Variants in WDR90 observed in about 807,000 individuals in gnomAD.
WDR90 encodes WD repeat-containing protein 90.
In WDR90, 238 loss-of-function variants were observed where a neutral mutation model predicts 195.2. The observed-to-expected ratio is 1.22, with a 90% CI of 1.10 to 1.36. WDR90 has a LOEUF of 1.36. WDR90 is among the 40% of genes most tolerant of loss of function. WDR90 has a pLI of 0.00. For synonymous variants in WDR90, 1,265 were observed against 1,052.4 expected, an observed-to-expected ratio of 1.20 and a Z score of -3.91; for missense variants, 2,734 against 2,439.5, an observed-to-expected ratio of 1.12 and a Z score of -2.54.
At position 660,079 on chromosome 16, in the gene WDR90, C is replaced by A; in HGVS notation, c.3206C>A (p.Ser1069Ter). 1 of 1,546,368 alleles carries A rather than the reference C, an allele frequency of 6.5e-7. No individual in the cohort carries two copies. The highest frequency in any genetic ancestry group is 8.7e-7 in the Non-Finnish European group (1 of 1,146,992). Residue 1069 changes from serine to a stop codon, truncating the protein, a stop_gained, in exon 27 of 41, where the codon TCG becomes TAG. Transcript: ENST00000293879. LOFTEE classifies it high-confidence loss of function. ...CCAGGCGCCAGGGACACCAGGAATT[C>A]GGGGGCCCCACGCACCACCTACCTG... is the stretch of plus-strand genomic sequence containing the variant. ...GGDGARDTRNSGAPRTTYLAS... is the reference protein window; with the variant it reads ...GGDGARDTRN
chr16:658,937 C>G lies in WDR90; in HGVS notation c.2937C>G (p.Phe979Leu), dbSNP rs564767817. 25 of 1,612,830 alleles carry G rather than the reference C, an allele frequency of 1.6e-5. No homozygotes were observed. The highest frequency in any genetic ancestry group is 1.2e-4 in the Admixed American group (7 of 60,014). ...CGGAACCCGTGCAGGCTGTGGCCTT[C>G]TCTCCTGACCAGCAGCAGGTCCTCA... The part of the protein sequence containing the change: ...GHSEPVQAVA[F>L]SPDQQQVLSA... Residue 979 changes from phenylalanine (F) to leucine (L), a missense_variant, in exon 24 of 41, where the codon TTC becomes TTG. Coordinates refer to ENST00000293879, the MANE Select transcript of WDR90 (RefSeq NM_145294.5).
At position 651,937 on chromosome 16, in the gene WDR90, G is replaced by A; in HGVS notation, c.951G>A (p.Trp317Ter). Residue 317 changes from tryptophan (W) to a stop codon, truncating the protein, a stop_gained, in exon 9 of 41, where the codon TGG becomes TGA. Coordinates refer to ENST00000293879, the MANE Select transcript of WDR90 (RefSeq NM_145294.5). LOFTEE classifies it high-confidence loss of function. ...DGPGFHSLEP[W>*]AQLEASDIHT... ...CCGGTTTCCATAGCCTTGAGCCCTG[G>A]GCCCAGCTGGAGGCCTCTGACATCC... 1 of 1,609,170 alleles carries A rather than the reference G, an allele frequency of 6.2e-7. No individual in the cohort carries two copies. Among genetic ancestry groups the A allele is most frequent in the Non-Finnish European group, 8.5e-7 (1 of 1,178,752 alleles).
rs1174700670 is a variant in WDR90 at position 657,793 on chromosome 16, C to A, written c.2505C>A (p.Ser835Arg). The change falls in exon 21 of 41, where the codon AGC (serine) becomes AGA (arginine). Residue 835 changes from serine to arginine, a missense_variant. By Grantham distance (110) the Ser-to-Arg change is moderately radical (BLOSUM62 -1). Coordinates refer to ENST00000293879, the MANE Select transcript of WDR90 (RefSeq NM_145294.5). ...ADMVCPDAPA[S>R]PSALAVSRDG... Reference sequence around the variant, plus strand: ...TGGTATGCCCGGATGCCCCCGCGAGCCCCAGCGCCCTGGCAGTCAGCAGGG... The same window carrying A: ...TGGTATGCCCGGATGCCCCCGCGAGACCCAGCGCCCTGGCAGTCAGCAGGG... The A allele has an allele frequency of 6.4e-7, 1 of 1,553,280 alleles. No individual in the cohort carries two copies. Among genetic ancestry groups the A allele is most frequent in the Admixed American group, 2.0e-5 (1 of 51,098 alleles).
In WDR90 at chr16:658,991, T is replaced by A; in HGVS notation, c.2991T>A (p.Asp997Glu). Reference protein sequence around the residue: ...LSAGDAVFLWDVLAPTESDQS... With the variant: ...LSAGDAVFLWEVLAPTESDQS... ...CAGGGGACGCCGTCTTCCTCTGGGA[T>A]GTCCTGGCCCCTACTGAGAGGCAAG... The change falls in exon 24 of 41, where the codon GAT (aspartate) becomes GAA (glutamate). Residue 997 changes from aspartate to glutamate, a missense_variant. By Grantham distance (45) the Asp-to-Glu change is conservative (BLOSUM62 2). Transcript: ENST00000293879. The A allele has an allele frequency of 1.9e-6, 3 of 1,612,998 alleles. No individual in the cohort carries two copies. Among genetic ancestry groups the A allele is most frequent in the Non-Finnish European group, 2.5e-6 (3 of 1,179,944 alleles).
Position 666,261 on chromosome 16 carries a change from G to A in WDR90, c.4651G>A (p.Val1551Met), listed in dbSNP as rs1401823778. ...TGGAGACAAGGATGGGCTCGTGGCT[G>A]TGAGCCACCCCTGCACAGGGACAAC... is the stretch of plus-strand genomic sequence containing the variant. ...LSGDKDGLVAVSHPCTGTTFR... is the reference protein window; with the variant it reads ...LSGDKDGLVAMSHPCTGTTFR... Residue 1551 changes from valine to methionine, a missense_variant, in exon 37 of 41, where the codon GTG becomes ATG. Transcript: ENST00000293879. The A allele has an allele frequency of 1.9e-6, 3 of 1,612,738 alleles. No individual in the cohort carries two copies. The highest frequency in any genetic ancestry group is 1.3e-5 in the African/African-American group (1 of 75,054).
rs370365356 is a variant in WDR90, at chr16:650,080, T to C, written c.192T>C (p.Ser64=). 6.2e-7 allele frequency: 1 copy of C among 1,613,050 alleles called. No individual in the cohort carries two copies. The highest frequency in any genetic ancestry group is 8.5e-7 in the Non-Finnish European group (1 of 1,179,974). ...YIQLPKSSTQ[S]LGLTGRYLYV... ...AGCTCCCTAAGAGCAGCACCCAGTC[T>C]CTGGGGCTGACGGGACGATACCTGT... The change falls in exon 3 of 41, where the codon TCT becomes TCC. Residue 64 remains serine, a synonymous_variant. Transcript: ENST00000293879.
At chr16:657,271 C>G (rs1458384621) in intron 20 of WDR90, 50 bp downstream of exon 20, 12 of 1,489,394 alleles carry the variant, frequency 8.1e-6, no homozygotes, top group Non-Finnish European at 1.1e-5. Context: ...CGGGGGAGGC[C>G]TGGATCTGGT....
At position 655,761 on chromosome 16, in the gene WDR90, C is replaced by A; in HGVS notation, c.1850-12C>A. 6.3e-7 allele frequency: 1 copy of A among 1,583,618 alleles called. No homozygotes were observed. The highest frequency in any genetic ancestry group is 8.6e-7 in the Non-Finnish European group (1 of 1,164,714). On this transcript the variant is annotated splice_polypyrimidine_tract_variant and intron_variant, in intron 16 of 40. Transcript: ENST00000293879. ...CAGGGACACCGAGGCACTGACGCCT[C>A]CCTGCCCCCAGGCCCCGGCATTGCC...
chr16:667,363 G>GT (rs2038119841), intron 40 of WDR90, 69 bp from the exon 41 acceptor site: 1 of 1,538,820 alleles, frequency 6.5e-7, no homozygotes, highest in African/African-American at 1.4e-5. Flanking sequence ...GACAGTCTGG[G>GT]TGGGTTGGGG....
intron 13 of WDR90, chr16:654,701 C>T: frequency 2.8e-6 from 1 of 352,862 alleles, no homozygotes; most frequent in Non-Finnish European, 5.3e-6. Flanking sequence ...CCTCCCACCT[C>T]AGCCTCCCAA....
At chr16:661,026 C>A in intron 28 of WDR90, 25 bp from the exon 29 acceptor site, 1 of 1,072,062 alleles carries the variant, frequency 9.3e-7, no homozygotes, top group Non-Finnish European at 1.1e-6. Flanking sequence ...GGCCCGGCCT[C>A]AGGCCCCGCC....
At chr16:658,412 T>C in intron 22 of WDR90, 68 bp downstream of exon 22, 1 of 1,583,588 alleles carries the variant, frequency 6.3e-7, no homozygotes, top group South Asian at 1.1e-5. Context: ...CCTCTGTGCC[T>C]GCAGCCTCTC....
At chr16:657,674 G>A in intron 20 of WDR90, 88 bp from the exon 21 acceptor site, 1 of 1,421,988 alleles carries the variant, frequency 7.0e-7, no homozygotes, top group Non-Finnish European at 9.2e-7. Context: ...TCCCGAAAGT[G>A]GGGGCAGGGG....
chr16:665,378 C>T (rs2038001558), intron 34 of WDR90: 2 of 574,436 alleles, frequency 3.5e-6, no homozygotes, highest in South Asian at 4.3e-5. Flanking sequence ...CAGTCTGTAG[C>T]CTGCTAGGGA....
Position 650,664 on chromosome 16 carries a change from C to T in WDR90, c.514C>T (p.Leu172=). The T allele has an allele frequency of 6.2e-7, 1 of 1,612,632 alleles. No homozygotes were observed. The highest frequency in any genetic ancestry group is 8.5e-7 in the Non-Finnish European group (1 of 1,179,790). ...CAAGAGCATCAGGCTGTGCGCCAGC[C>T]TGCTGGTCAGGAACCTGTACACCAG... ...HLKSIRLCAS[L]LVRNLYTSDL... is the part of the protein sequence containing the mutation. The change falls in exon 5 of 41, where the codon CTG becomes TTG. Residue 172 remains leucine (L), a synonymous_variant. Coordinates refer to ENST00000293879, the MANE Select transcript of WDR90 (RefSeq NM_145294.5).
chr16:666,369 C>T lies in WDR90; in HGVS notation c.4740+19C>T. 1 of 1,612,236 alleles carries T rather than the reference C, an allele frequency of 6.2e-7. No individual in the cohort carries two copies. The highest frequency in any genetic ancestry group is 8.5e-7 in the Non-Finnish European group (1 of 1,179,670). On this transcript the variant is annotated intron_variant, in intron 37 of 40. Coordinates refer to ENST00000293879, the MANE Select transcript of WDR90 (RefSeq NM_145294.5). ...CAAAGAGGTAAAGCAGCCCCAAGAG[C>T]TGGGGAGAGGGGGCCTGGGTGCTGG...
Position 667,825 on chromosome 16 carries a change from A to G in WDR90, c.*236A>G, listed in dbSNP as rs535429469. Reference sequence around the variant, plus strand: ...TATCTTGTAATAAACATGGGCATTTATTGCATTATTGCTGCATTGTTGCAC... The same window carrying G: ...TATCTTGTAATAAACATGGGCATTTGTTGCATTATTGCTGCATTGTTGCAC... On this transcript the variant is annotated 3_prime_UTR_variant, in exon 41 of 41. Transcript: ENST00000293879. The G allele has an allele frequency of 1.2e-5, 8 of 655,362 alleles. No homozygotes were observed. The East Asian group carries it at 2.2e-4, about 18-fold the overall frequency. 40.6% of individuals were successfully genotyped at this position (655,362 alleles called of 1,614,324 possible). A position where few individuals can be genotyped will look rare whatever the true frequency, so the allele number is the denominator to read the frequency against.
At chr16:649,226 G>A, upstream of WDR90, 1 of 568,738 alleles carries the variant, frequency 1.8e-6, no homozygotes, top group Non-Finnish European at 2.6e-6. Context: ...TTCGCGGCTG[G>A]AGCAACCCTG....
At position 651,235 on chromosome 16, in the gene WDR90, G is replaced by T; in HGVS notation, c.705G>T (p.Pro235=). The part of the protein sequence containing the change: ...PSESLKVPSK[P]IEKSCSPPEA... Reference sequence around the variant, plus strand: ...AGAGCTTGAAAGTGCCTTCCAAGCCGATTGAGAAGAGCTGTTCCCCTCCTG... The same window carrying T: ...AGAGCTTGAAAGTGCCTTCCAAGCCTATTGAGAAGAGCTGTTCCCCTCCTG... The change falls in exon 7 of 41, where the codon CCG becomes CCT. Residue 235 remains proline, a synonymous_variant. Coordinates refer to ENST00000293879, the MANE Select transcript of WDR90 (RefSeq NM_145294.5). 1 of 1,613,242 alleles carries T rather than the reference G, an allele frequency of 6.2e-7. No individual in the cohort carries two copies. The highest frequency in any genetic ancestry group is 8.5e-7 in the Non-Finnish European group (1 of 1,179,982).
Sources: allele counts gnomAD v4.1 joint callset, GRCh38; gene constraint gnomAD v4.1.1; transcripts MANE v1.5; gene names NCBI Gene and HGNC (gene_info 2026-07-23, HGNC 2026-07-21).